The following AURKB variants were observed in gnomAD, a reference collection of about 807,000 sequenced individuals.
The protein encoded by AURKB is aurora kinase B-Sv1.
AURKB carries 28 observed loss-of-function variants against 36.5 expected under a neutral mutation model. That is an observed-to-expected ratio of 0.77 (90% CI 0.57 to 1.05). The LOEUF (loss-of-function observed/expected upper bound fraction) is 1.05. Ranked by LOEUF, AURKB falls within the 50% of genes least tolerant of loss-of-function variation. AURKB has a pLI of 0.00. For synonymous variants in AURKB, 175 were observed against 172.9 expected (o/e 1.01, Z -0.09); for missense variants, 383 against 447.4 (o/e 0.86, Z 1.30).
rs922765745 is a variant in AURKB, at chr17:8,207,467, T to C, written c.207-100A>G. ...CATCCCATCCTGTCCTCCGCCCCACTTGTCTTCATCCCTACTCCTCCCGTG... is the reference window on the plus strand; with the variant it reads ...CATCCCATCCTGTCCTCCGCCCCACCTGTCTTCATCCCTACTCCTCCCGTG... On this transcript the variant is annotated intron_variant, in intron 4 of 8. Transcript: ENST00000585124. The C allele has an allele frequency of 1.9e-6, 3 of 1,558,730 alleles. No individual in the cohort carries two copies. The African/African-American group carries it at 4.1e-5, about 21-fold the overall frequency.
intron 8 of AURKB, 69 bp from the exon 9 acceptor site, chr17:8,205,113 T>C: frequency 6.5e-7 from 1 of 1,545,700 alleles, no homozygotes; most frequent in Non-Finnish European, 8.7e-7. Flanking sequence ...GACTACCCAT[T>C]CTGTTTGGAG....
chr17:8,205,798 A>C (rs1166153094), intron 7 of AURKB, among the ~76,000 whole-genome samples: 1 of 152,160 alleles, frequency 6.6e-6, no homozygotes, highest in South Asian at 2.1e-4. Flanking sequence ...TCCAGGCTGG[A>C]GTGCAGTGGG....
intron 2 of AURKB, chr17:8,208,326 G>A (rs1204394346): frequency 6.5e-6 from 1 of 153,438 alleles, no homozygotes; most frequent in Non-Finnish European, 1.5e-5. Context: ...TCAGGAGGCT[G>A]AGGCAGGAGA....
Position 8,204,931 on chromosome 17 carries a change from A to G in AURKB, c.975T>C (p.Pro325=), listed in dbSNP as rs200398073. 6.8e-5 allele frequency: 110 copies of G among 1,607,124 alleles called. No homozygotes were observed. In the East Asian group the frequency reaches 2.3e-3, roughly 34 times the overall value. Residue 325 remains proline (P), a synonymous_variant, in exon 9 of 9, where the codon CCT becomes CCC. Coordinates refer to ENST00000585124, the MANE Select transcript of AURKB (RefSeq NM_004217.4). ...CCCTCCGAGAGTTGGCCCGGACCCAAGGGTGGGCTGAGACCTGGGCCAGGG... is the reference window on the plus strand; with the variant it reads ...CCCTCCGAGAGTTGGCCCGGACCCAGGGGTGGGCTGAGACCTGGGCCAGGG... ...RLPLAQVSAH[P]WVRANSRRVL... is the part of the protein sequence containing the mutation.
chr17:8,210,188 C>T lies in AURKB; in HGVS notation c.37G>A (p.Gly13Ser). 6.2e-7 allele frequency: 1 copy of T among 1,612,240 alleles called. No homozygotes were observed. Among genetic ancestry groups the T allele is most frequent in the Non-Finnish European group, 8.5e-7 (1 of 1,179,628 alleles). Residue 13 changes from glycine to serine, a missense_variant, in exon 2 of 9, where the codon GGC becomes AGC. Transcript: ENST00000585124. ...QKENSYPWPYGRQTAPSGLST... is the reference protein window; with the variant it reads ...QKENSYPWPYSRQTAPSGLST... ...GGGAAGGGCCTTACCGTCTGTCGGC[C>T]GTAGGGCCAGGGGTAGGAGTTCTCC...
At chr17:8,210,148 G>A (rs1567578672) in intron 2 of AURKB, 29 bp downstream of exon 2, 2 of 1,612,540 alleles carry the variant, frequency 1.2e-6, no homozygotes, top group East Asian at 2.2e-5. Context: ...GGGGTCATGG[G>A]GGCGCAGGGA....
Position 8,207,810 on chromosome 17 carries a change from G to A in AURKB, c.79C>T (p.Arg27Ter), listed in dbSNP as rs924562298. 5.0e-6 allele frequency: 8 copies of A among 1,613,866 alleles called. No individual in the cohort carries two copies. The highest frequency in any genetic ancestry group is 1.3e-5 in the African/African-American group (1 of 75,028). Residue 27 changes from arginine to a stop codon, truncating the protein, a stop_gained, in exon 3 of 9, where the codon CGA (arginine) becomes TGA (stop). Coordinates refer to ENST00000585124, the MANE Select transcript of AURKB (RefSeq NM_004217.4). LOFTEE classifies it high-confidence loss of function. ...APSGLSTLPQ[R>*]VLRKEPVTPS... is the part of the protein sequence containing the mutation. ...GTGACAGGCTCTTTCCGGAGGACTC[G>A]CTGGGGCAGGGTGCTCAGGCCAGAT...
In AURKB at chr17:8,206,472, G is replaced by A. The variant is rs2151469801; in HGVS notation, c.686+19C>T. 1 of 1,613,764 alleles carries A rather than the reference G, an allele frequency of 6.2e-7. No individual in the cohort carries two copies. Among genetic ancestry groups the A allele is most frequent in the South Asian group, 1.1e-5 (1 of 91,058 alleles). Reference sequence around the variant, plus strand: ...TGGCCCAGCCTCACACCCAGGTCTGGCCTCCCAGGCCACCATACCTCAGGG... The same window carrying A: ...TGGCCCAGCCTCACACCCAGGTCTGACCTCCCAGGCCACCATACCTCAGGG... On this transcript the variant is annotated intron_variant, in intron 7 of 8. Coordinates refer to ENST00000585124, the MANE Select transcript of AURKB (RefSeq NM_004217.4). The surrounding 1 kb of genome is among the most constrained non-coding windows in gnomAD (Gnocchi z 4.2).
Position 8,207,785 on chromosome 17 carries a change from G to A in AURKB, c.104C>T (p.Thr35Ile), listed in dbSNP as rs758885283. The change falls in exon 3 of 9, where the codon ACC (threonine) becomes ATC (isoleucine). Residue 35 changes from threonine (T) to isoleucine (I), a missense_variant. Thr to Ile is a moderately conservative substitution (Grantham distance 89). Transcript: ENST00000585124. ...PQRVLRKEPVTPSALVLMSRS... is the reference protein window; with the variant it reads ...PQRVLRKEPVIPSALVLMSRS... Reference sequence around the variant, plus strand: ...GCTCATGAGGACAAGTGCAGATGGGGTGACAGGCTCTTTCCGGAGGACTCG... The same window carrying A: ...GCTCATGAGGACAAGTGCAGATGGGATGACAGGCTCTTTCCGGAGGACTCG... 3.1e-6 allele frequency: 5 copies of A among 1,614,188 alleles called. No individual in the cohort carries two copies. In the South Asian group the frequency reaches 3.3e-5, roughly 11 times the overall value.
Position 8,204,933 on chromosome 17 carries a change from G to A in AURKB, c.973C>T (p.Pro325Ser), listed in dbSNP as rs148715809. ...CTCCGAGAGTTGGCCCGGACCCAAG[G>A]GTGGGCTGAGACCTGGGCCAGGGGC... ...RLPLAQVSAH[P>S]WVRANSRRVL... Residue 325 changes from proline to serine, a missense_variant, in exon 9 of 9, where the codon CCT becomes TCT. Physicochemically the swap from Pro to Ser is moderately conservative, Grantham distance 74 (BLOSUM62 -1). Around this residue, in one of 3 missense-constraint regions of AURKB, gnomAD observed 219 missense variants for 252.6 expected, o/e 0.87. Transcript: ENST00000585124. 1,974 of 1,608,578 alleles carry A rather than the reference G, an allele frequency of 1.2e-3. 5 individuals are homozygous for A. Among genetic ancestry groups the A allele is most frequent in the Non-Finnish European group, 1.1e-3 (1,266 of 1,178,768 alleles).
chr17:8,208,424 CAAAAA>C, intron 2 of AURKB, among the ~76,000 whole-genome samples: 1 of 124,116 alleles, frequency 8.1e-6, no homozygotes, highest in South Asian at 2.5e-4. Context: ...GACTCCATCT[CAAAAA>C]AAAAAAAAAA....
In AURKB at chr17:8,207,291, G is replaced by A. The variant is rs1287767783; in HGVS notation, c.283C>T (p.Arg95Trp). The A allele has an allele frequency of 1.2e-6, 2 of 1,614,114 alleles. No individual in the cohort carries two copies. Among genetic ancestry groups the A allele is most frequent in the East Asian group, 2.2e-5 (1 of 44,880 alleles). The change falls in exon 5 of 9, where the codon CGG becomes TGG. Residue 95 changes from arginine (R) to tryptophan (W), a missense_variant. Transcript: ENST00000585124. ...KGKFGNVYLA[R>W]EKKSHFIVAL... ...ACGATGAAATGGCTTTTCTTCTCCC[G>A]AGCCAAGTACACGTTTCCAAACTTG...
Position 8,210,220 on chromosome 17 carries a change from G to A in AURKB, c.5C>T (p.Ala2Val), listed in dbSNP as rs773262332. 2.5e-6 allele frequency: 4 copies of A among 1,607,548 alleles called. No individual in the cohort carries two copies. The highest frequency in any genetic ancestry group is 3.4e-6 in the Non-Finnish European group (4 of 1,177,670). M[A>V]QKENSYPWPY... ...CCAGGGGTAGGAGTTCTCCTTCTGGGCCATCCTTAGAGAGAAAGGGGGAGG... is the reference window on the plus strand; with the variant it reads ...CCAGGGGTAGGAGTTCTCCTTCTGGACCATCCTTAGAGAGAAAGGGGGAGG... Residue 2 changes from alanine to valine, a missense_variant, in exon 2 of 9, where the codon GCC (alanine) becomes GTC (valine). Around this residue, in one of 3 missense-constraint regions of AURKB, gnomAD observed 105 missense variants for 95.7 expected, o/e 1.10. Transcript: ENST00000585124.
intron 3 of AURKB, 56 bp downstream of exon 3, chr17:8,207,682 C>G: frequency 6.2e-7 from 1 of 1,613,730 alleles, no homozygotes; most frequent in Non-Finnish European, 8.5e-7. Flanking sequence ...CATCCCTAAA[C>G]CCTCCCACAG....
Position 8,206,751 on chromosome 17 carries a change from G to C in AURKB, c.536C>G (p.Thr179Arg), listed in dbSNP as rs55871613. The change falls in exon 6 of 9, where the codon ACG becomes AGG. Residue 179 changes from threonine (T) to arginine (R), a missense_variant and splice_region_variant. Thr to Arg is a moderately conservative substitution (Grantham distance 71, BLOSUM62 -1). This residue lies in a region of AURKB where 219 missense variants were observed against 252.6 expected (regional missense o/e 0.87). Coordinates refer to ENST00000585124, the MANE Select transcript of AURKB (RefSeq NM_004217.4). The surrounding 1 kb of genome is among the most constrained non-coding windows in gnomAD (Gnocchi z 4.2). The part of the protein sequence containing the change: ...SCTFDEQRTA[T>R]IMEELADALM... ...CCCCAGGTGCCCACCCGCCCGGACCGTGGCTGTTCGCTGCTCGTCAAATGT... is the reference window on the plus strand; with the variant it reads ...CCCCAGGTGCCCACCCGCCCGGACCCTGGCTGTTCGCTGCTCGTCAAATGT... 1 of 1,613,776 alleles carries C rather than the reference G, an allele frequency of 6.2e-7. No individual in the cohort carries two copies. Among genetic ancestry groups the C allele is most frequent in the Non-Finnish European group, 8.5e-7 (1 of 1,179,806 alleles).
In AURKB at chr17:8,204,806, C is replaced by T; in HGVS notation, c.*65G>A. On this transcript the variant is annotated 3_prime_UTR_variant, in exon 9 of 9. Transcript: ENST00000585124. ...AACAGATAAGGGAACAGTTAGGGAT[C>T]CCTTCTTTCCCCTATACATACACAG... 2.5e-6 allele frequency: 4 copies of T among 1,576,216 alleles called. No homozygotes were observed. Among genetic ancestry groups the T allele is most frequent in the Non-Finnish European group, 3.4e-6 (4 of 1,160,688 alleles).
intron 5 of AURKB, 138 bp from the exon 6 acceptor site, chr17:8,207,026 T>C (rs1670101134): frequency 1.4e-6 from 2 of 1,474,608 alleles, no homozygotes; most frequent in Admixed American, 2.1e-5. Flanking sequence ...TGGAGGCAGA[T>C]TTCTGGATTC....
In AURKB at chr17:8,206,936, T is replaced by G. The variant is rs376696548; in HGVS notation, c.399-48A>C. ...CCTCAGGCCAAAGGCATAAAAGAGC[T>G]GGAAAAGATGATAGGAGCAAACTGG... On this transcript the variant is annotated intron_variant, in intron 5 of 8. Transcript: ENST00000585124. This position sits in a 1 kb window ranked among gnomAD's most constrained non-coding sequence, Gnocchi z 4.2. The G allele has an allele frequency of 7.9e-5, 127 of 1,612,614 alleles. No homozygotes were observed. The Middle Eastern group carries it at 8.3e-4, about 11-fold the overall frequency.
At position 8,210,171 on chromosome 17, in the gene AURKB, C is replaced by T. The variant is rs755736222; in HGVS notation, c.48+6G>A. The T allele has an allele frequency of 9.9e-6, 16 of 1,612,696 alleles. No individual in the cohort carries two copies. The Admixed American group carries it at 2.5e-4, about 25-fold the overall frequency. ...GGGGGCGCAGGGACGGAGGGAAGGG[C>T]CTTACCGTCTGTCGGCCGTAGGGCC... On this transcript the variant is annotated splice_donor_region_variant and intron_variant, in intron 2 of 8. Coordinates refer to ENST00000585124, the MANE Select transcript of AURKB (RefSeq NM_004217.4).
Sources: allele counts gnomAD v4.1 joint callset (sites outside exome capture counted in the v4.1 genomes callset), GRCh38; gene constraint gnomAD v4.1.1; regional missense constraint gnomAD v4.1.1; non-coding constraint Gnocchi (gnomAD v3.1); transcripts MANE v1.5; gene names NCBI Gene and HGNC (gene_info 2026-07-23, HGNC 2026-07-21).